TNFRSF11B: variants seen among roughly 807,000 people sequenced by gnomAD.
TNFRSF11B encodes tumor necrosis factor receptor superfamily member 11B.
TNFRSF11B carries 16 observed loss-of-function variants against 43.4 expected under a neutral mutation model. The observed-to-expected ratio is 0.37, with a 90% CI of 0.25 to 0.56. TNFRSF11B has a LOEUF of 0.56. Among genes scored for constraint, TNFRSF11B ranks in the 20% least tolerant of loss-of-function variants. The probability of loss-of-function intolerance (pLI) is 0.80; values close to 1 mark genes in which losing one functional copy is unlikely to be tolerated. For synonymous variants in TNFRSF11B, 185 were observed against 181.8 expected (o/e 1.02, Z -0.14); for missense variants, 444 against 490.1 (o/e 0.91, Z 0.89).
In TNFRSF11B at chr8:118,933,184, G is replaced by T. The variant is rs1241966911; in HGVS notation, c.147C>A (p.Tyr49Ter). Residue 49 changes from tyrosine (Y) to a stop codon, truncating the protein, a stop_gained, in exon 2 of 5, where the codon TAC becomes TAA. Coordinates refer to ENST00000297350, the MANE Select transcript of TNFRSF11B (RefSeq NM_002546.4). LOFTEE classifies it high-confidence loss of function. ...LLCDKCPPGT[Y>*]LKQHCTAKWK... ...ACTTTGCTGTACAGTGTTGTTTTAG[G>T]TAGGTACCAGGAGGACATTTGTCAC... is the stretch of plus-strand genomic sequence containing the variant. The T allele has an allele frequency of 6.2e-7, 1 of 1,614,076 alleles. No individual in the cohort carries two copies. The highest frequency in any genetic ancestry group is 1.3e-5 in the African/African-American group (1 of 74,926).
chr8:118,929,197 A>G (rs887280092), intron 2 of TNFRSF11B: 1 of 488,358 alleles, frequency 2.0e-6, no homozygotes, highest in South Asian at 2.1e-5. Flanking sequence ...AGAGGAAAGG[A>G]AAGAAGGGTA....
rs1449401033 is a variant in TNFRSF11B, at chr8:118,929,161, T to TA, written c.401-233dup. 6.9e-5 allele frequency: 38 copies of TA among 550,908 alleles called. No homozygotes were observed. The African/African-American group carries it at 7.2e-4, about 10-fold the overall frequency. 34.1% of individuals were successfully genotyped at this position (550,908 alleles called of 1,614,324 possible). On this transcript the variant is annotated intron_variant, in intron 2 of 4. Transcript: ENST00000297350. ...TGCAAATGCAAGTCAATTTTCTCGT[T>TA]ACCTACAAAACGCTCATGAAATGTG...
chr8:118,937,831 T>TA (rs1812424454), intron 1 of TNFRSF11B, among the ~76,000 whole-genome samples: 1 of 152,314 alleles, frequency 6.6e-6, no homozygotes, highest in East Asian at 1.9e-4. Flanking sequence ...GGGTAATACT[T>TA]ACAGAAAAGA....
chr8:118,924,079 C>T lies in TNFRSF11B; in HGVS notation c.*295G>A. 1 of 297,762 alleles carries T rather than the reference C, an allele frequency of 3.4e-6. No individual in the cohort carries two copies. The highest frequency in any genetic ancestry group is 6.4e-6 in the Non-Finnish European group (1 of 157,388). 18.4% of individuals were successfully genotyped at this position (297,762 alleles called of 1,614,324 possible). A position where few individuals can be genotyped will look rare whatever the true frequency, so the allele number is the denominator to read the frequency against. ...AGACATTCCCATATTTAGTAAGGCA[C>T]AATGGAGTCTAGTTTTTTTTTTTTA... On this transcript the variant is annotated 3_prime_UTR_variant, in exon 5 of 5. Transcript: ENST00000297350.
At chr8:118,931,628 T>G (rs1229887449) in intron 2 of TNFRSF11B, among the ~76,000 whole-genome samples, 1 of 152,152 alleles carries the variant, frequency 6.6e-6, no homozygotes, top group Non-Finnish European at 1.5e-5. Flanking sequence ...CACCAATTCC[T>G]CCCTCAAATA....
intron 2 of TNFRSF11B, 50 bp from the exon 3 acceptor site, chr8:118,928,979 A>G: frequency 6.4e-7 from 1 of 1,556,210 alleles, no homozygotes; most frequent in East Asian, 2.2e-5. Context: ...ATCGTTTCCC[A>G]GCAGATGCCC....
intron 1 of TNFRSF11B, among the ~76,000 whole-genome samples, chr8:118,951,539 T>C (rs73709390): frequency 6.9e-6 from 1 of 144,404 alleles, no homozygotes; most frequent in South Asian, 2.2e-4. Context: ...TCTCTCTCTC[T>C]CCCTCTCTCT....
chr8:118,943,770 T>G (rs1812521775), intron 1 of TNFRSF11B, among the ~76,000 whole-genome samples: 2 of 152,136 alleles, frequency 1.3e-5, no homozygotes, highest in South Asian at 4.1e-4. Flanking sequence ...AAGTTGTAGA[T>G]GAAGATAACT....
Position 118,933,204 on chromosome 8 carries a change from T to C in TNFRSF11B, c.127A>G (p.Lys43Glu), listed in dbSNP as rs1192386739. 2.5e-6 allele frequency: 4 copies of C among 1,614,174 alleles called. 1 individual carries two copies. In the South Asian group the frequency reaches 4.4e-5, roughly 18 times the overall value. ...TTTAGGTAGGTACCAGGAGGACATTTGTCACACAACAGCTGATGAGAGGTT... is the reference window on the plus strand; with the variant it reads ...TTTAGGTAGGTACCAGGAGGACATTCGTCACACAACAGCTGATGAGAGGTT... ...EETSHQLLCDKCPPGTYLKQH... is the reference protein window; with the variant it reads ...EETSHQLLCDECPPGTYLKQH... Residue 43 changes from lysine to glutamate, a missense_variant, in exon 2 of 5, where the codon AAA (lysine) becomes GAA (glutamate). Lys to Glu is a moderately conservative substitution (Grantham distance 56). Coordinates refer to ENST00000297350, the MANE Select transcript of TNFRSF11B (RefSeq NM_002546.4).
chr8:118,948,794 A>AAC (rs1554618613), intron 1 of TNFRSF11B, among the ~76,000 whole-genome samples: 68 of 151,274 alleles, frequency 4.5e-4, no homozygotes, highest in African/African-American at 1.5e-3. Flanking sequence ...CAAACAAACA[A>AAC]AAAAAAACTT....
chr8:118,937,597 T>G (rs1393399622), intron 1 of TNFRSF11B, among the ~76,000 whole-genome samples: 1 of 152,174 alleles, frequency 6.6e-6, no homozygotes, highest in Non-Finnish European at 1.5e-5. Flanking sequence ...AACATGAGTG[T>G]GAAAAAAATT....
At chr8:118,929,202 A>C in intron 2 of TNFRSF11B, 1 of 479,918 alleles carries the variant, frequency 2.1e-6, no homozygotes, top group South Asian at 2.1e-5. Context: ...AAAGGAAAGA[A>C]GGGTAGGGTG....
rs1427770790 is a variant in TNFRSF11B at position 118,935,913 on chromosome 8, ATTT to A, written c.31-2616_31-2614del. 2.6e-5 allele frequency among the ~76,000 whole-genome samples: 4 copies of A among 152,168 alleles called. No individual in the cohort carries two copies. In the East Asian group the frequency reaches 7.7e-4, roughly 29 times the overall value. ...AACTTCCCACTGGTCTCCCTTTCCC[ATTT>A]CAACATGGTTCAGGTGTGCCCATTT... On this transcript the variant is annotated intron_variant, in intron 1 of 4. Coordinates refer to ENST00000297350, the MANE Select transcript of TNFRSF11B (RefSeq NM_002546.4).
At chr8:118,926,907 G>A (rs1048509018) in intron 3 of TNFRSF11B, among the ~76,000 whole-genome samples, 189 bp from the exon 4 acceptor site, 8 of 152,192 alleles carry the variant, frequency 5.3e-5, no homozygotes, top group South Asian at 2.1e-4. Flanking sequence ...CTGAGCTTAC[G>A]TGTCTTCTAA....
At chr8:118,940,243 T>C (rs1423004425) in intron 1 of TNFRSF11B, among the ~76,000 whole-genome samples, 1 of 152,160 alleles carries the variant, frequency 6.6e-6, no homozygotes, top group African/African-American at 2.4e-5. Flanking sequence ...GATGAGTTGA[T>C]GGGTGCAGCA....
At chr8:118,940,338 A>G in intron 1 of TNFRSF11B, among the ~76,000 whole-genome samples, 1 of 152,162 alleles carries the variant, frequency 6.6e-6, no homozygotes, top group South Asian at 2.1e-4. Flanking sequence ...AAAAAAAGAA[A>G]AGGGTGTTAA....
intron 2 of TNFRSF11B, 163 bp from the exon 3 acceptor site, chr8:118,929,092 A>C: frequency 1.5e-6 from 1 of 669,698 alleles, no homozygotes; most frequent in Non-Finnish European, 2.6e-6. Context: ...AGACAGAACA[A>C]AACTTCCACC....
chr8:118,926,429 T>A, intron 4 of TNFRSF11B, 65 bp downstream of exon 4: 1 of 1,400,566 alleles, frequency 7.1e-7, no homozygotes, highest in South Asian at 1.2e-5. Context: ...GCAGTCTTGT[T>A]CCTGGTTTAT....
chr8:118,934,622 A>G (rs1812376992), intron 1 of TNFRSF11B, among the ~76,000 whole-genome samples: 1 of 152,214 alleles, frequency 6.6e-6, no homozygotes. Context: ...GCACTGAAGT[A>G]GTTCTTCACA....
Sources: allele counts gnomAD v4.1 joint callset (sites outside exome capture counted in the v4.1 genomes callset), GRCh38; gene constraint gnomAD v4.1.1; transcripts MANE v1.5; gene names NCBI Gene and HGNC (gene_info 2026-07-23, HGNC 2026-07-21).